The following TMPRSS15 variants were observed in gnomAD, a reference collection of about 807,000 sequenced individuals.
The protein encoded by TMPRSS15 is transmembrane serine protease 15, also known as enteropeptidase.
TMPRSS15 carries 128 observed loss-of-function variants against 125.3 expected under a neutral mutation model. The ratio of observed to expected loss-of-function variants is 1.02; its 90% CI spans 0.89 to 1.18. The LOEUF is 1.18. TMPRSS15 is among the 50% of genes most tolerant of loss of function. The pLI, the probability that TMPRSS15 is intolerant of heterozygous loss-of-function variation, is 0.00. For synonymous variants in TMPRSS15, 446 were observed against 423.2 expected (o/e 1.05, Z -0.66); for missense variants, 1,283 against 1,212.7 (o/e 1.06, Z -0.86).
intron 1 of TMPRSS15, among the ~76,000 whole-genome samples, chr21:18,409,568 C>T (rs893728317): frequency 6.6e-6 from 1 of 151,980 alleles, no homozygotes; most frequent in Non-Finnish European, 1.5e-5. Flanking sequence ...CAATGTTCAA[C>T]TGTGTATTTC....
chr21:18,281,261 C>A (rs776868879), intron 21 of TMPRSS15, 40 bp from the exon 22 acceptor site: 5 of 1,541,936 alleles, frequency 3.2e-6, no homozygotes, highest in Non-Finnish European at 4.5e-6. Flanking sequence ...ACTCTCCATC[C>A]AAAGCAGTTC....
At chr21:18,313,161 C>A (rs2075119685) in intron 17 of TMPRSS15, 84 bp from the exon 18 acceptor site, 4 of 915,992 alleles carry the variant, frequency 4.4e-6, no homozygotes. Flanking sequence ...GAGTACAGAG[C>A]TTCATTTAGA....
rs201871970 is a variant in TMPRSS15 at position 18,326,427 on chromosome 21, C to T, written c.1921+5G>A. ...TGATGCAATGTGTGATTTATGGGCT[C>T]CTACCTGGAATCCCCAAGTGATAGC... On this transcript the variant is annotated splice_donor_5th_base_variant and intron_variant, in intron 16 of 24. Coordinates refer to ENST00000284885, the MANE Select transcript of TMPRSS15 (RefSeq NM_002772.3). 15 of 1,614,082 alleles carry T rather than the reference C, an allele frequency of 9.3e-6. No individual in the cohort carries two copies. The Admixed American group carries it at 1.7e-4, about 18-fold the overall frequency.
chr21:18,465,914 T>C (rs1182307478), intron 1 of TMPRSS15, among the ~76,000 whole-genome samples: 1 of 152,156 alleles, frequency 6.6e-6, no homozygotes, highest in Non-Finnish European at 1.5e-5. Flanking sequence ...AAAACTATTT[T>C]AAATTTCATA....
chr21:18,342,592 C>T (rs1291000823), intron 12 of TMPRSS15, among the ~76,000 whole-genome samples: 2 of 152,218 alleles, frequency 1.3e-5, no homozygotes, highest in African/African-American at 2.4e-5. Context: ...CACTGCAATA[C>T]TGACTTCCCC....
Position 18,278,948 on chromosome 21 carries a change from G to C in TMPRSS15, c.2764+16C>G, listed in dbSNP as rs762223570. On this transcript the variant is annotated intron_variant, in intron 23 of 24. Coordinates refer to ENST00000284885, the MANE Select transcript of TMPRSS15 (RefSeq NM_002772.3). ...GGTTTTTTTTTTTTTTTTTTTTTTT[G>C]AGTCTGATAATTTACCTTGATATAC... 8.6e-6 allele frequency: 1 copy of C among 116,004 alleles called. No homozygotes were observed. The allele number at this position is 116,004 out of a possible 1,614,324, so 7.2% of individuals were successfully genotyped here.
intron 23 of TMPRSS15, among the ~76,000 whole-genome samples, chr21:18,278,457 C>A (rs1378920069): frequency 6.6e-6 from 1 of 152,002 alleles, no homozygotes; most frequent in Non-Finnish European, 1.5e-5. Flanking sequence ...CGGTGGCTCA[C>A]GACTATAATC....
At position 18,269,530 on chromosome 21, in the gene TMPRSS15, A is replaced by G. The variant is rs2074528407; in HGVS notation, c.*439T>C. ...GTTTCTGCTAATAGCAGCAAACTAA[A>G]CTGGAACTAGAAAATTTATGGCAGT... On this transcript the variant is annotated 3_prime_UTR_variant, in exon 25 of 25. Coordinates refer to ENST00000284885, the MANE Select transcript of TMPRSS15 (RefSeq NM_002772.3). 6.2e-6 allele frequency: 1 copy of G among 162,184 alleles called. No homozygotes were observed. The highest frequency in any genetic ancestry group is 1.6e-4 in the South Asian group (1 of 6,284). The allele number at this position is 162,184 out of a possible 1,614,324, so 10.0% of individuals were successfully genotyped here.
intron 1 of TMPRSS15, among the ~76,000 whole-genome samples, chr21:18,470,491 C>T (rs1416700814): frequency 6.6e-6 from 1 of 152,036 alleles, no homozygotes; most frequent in Non-Finnish European, 1.5e-5. Context: ...TAAGCAAATG[C>T]TGAGTTATTT....
intron 1 of TMPRSS15, among the ~76,000 whole-genome samples, chr21:18,420,448 T>A (rs1007170249): frequency 7.0e-6 from 1 of 143,358 alleles, no homozygotes; most frequent in African/African-American, 2.6e-5. Flanking sequence ...TATTTGGAAG[T>A]ATAATAAAAA....
Position 18,294,355 on chromosome 21 carries a change from C to A in TMPRSS15, c.2401G>T (p.Gly801Cys). Reference protein sequence around the residue: ...AKEGAWPWVVGLYYGGRLLCG... With the variant: ...AKEGAWPWVVCLYYGGRLLCG... ...AGCAGTCGGCCGCCATAATACAGACCCACAACCCAGGGCCAGGCCCCTTCT... is the reference window on the plus strand; with the variant it reads ...AGCAGTCGGCCGCCATAATACAGACACACAACCCAGGGCCAGGCCCCTTCT... Residue 801 changes from glycine (G) to cysteine (C), a missense_variant, in exon 21 of 25, where the codon GGT becomes TGT. Coordinates refer to ENST00000284885, the MANE Select transcript of TMPRSS15 (RefSeq NM_002772.3). 1 of 1,614,250 alleles carries A rather than the reference C, an allele frequency of 6.2e-7. No individual in the cohort carries two copies. The highest frequency in any genetic ancestry group is 2.2e-5 in the East Asian group (1 of 44,878).
intron 1 of TMPRSS15, among the ~76,000 whole-genome samples, chr21:18,425,698 G>A (rs2076201284): frequency 6.6e-6 from 1 of 152,032 alleles, no homozygotes; most frequent in African/African-American, 2.4e-5. Context: ...AGCTTCAAAT[G>A]TTGTGAATAA....
intron 23 of TMPRSS15, among the ~76,000 whole-genome samples, chr21:18,276,985 C>T (rs1476880069): frequency 1.3e-5 from 2 of 151,810 alleles, no homozygotes; most frequent in African/African-American, 2.4e-5. Flanking sequence ...AGGCTGGTCT[C>T]AAACTCCTGA....
chr21:18,397,854 T>C, intron 3 of TMPRSS15, 25 bp downstream of exon 3: 1 of 1,346,512 alleles, frequency 7.4e-7, no homozygotes, highest in Non-Finnish European at 1.0e-6. Flanking sequence ...TTTCCATCAG[T>C]AGAAAATTTT....
intron 7 of TMPRSS15, among the ~76,000 whole-genome samples, chr21:18,361,447 A>G (rs1462185687): frequency 6.6e-6 from 1 of 152,104 alleles, no homozygotes; most frequent in African/African-American, 2.4e-5. Context: ...TAAGAGATTT[A>G]GTTTCCAAGG....
At chr21:18,280,749 A>G (rs1204090835) in intron 22 of TMPRSS15, among the ~76,000 whole-genome samples, 1 of 152,136 alleles carries the variant, frequency 6.6e-6, no homozygotes, top group Non-Finnish European at 1.5e-5. Context: ...TAGAGAGGGC[A>G]TGCATAATAA....
At chr21:18,306,481 T>A (rs1173317921) in intron 18 of TMPRSS15, among the ~76,000 whole-genome samples, 1 of 152,200 alleles carries the variant, frequency 6.6e-6, no homozygotes, top group East Asian at 1.9e-4. Flanking sequence ...CTGTTTCTTA[T>A]TAGCATTTGA....
Position 18,470,444 on chromosome 21 carries a change from C to T in TMPRSS15, c.10+15355G>A, listed in dbSNP as rs115150992. ...ACTGTATACCTAGGTCTAGATGACA[C>T]GAAGAACTCTTACCCCAACCGAAAA... On this transcript the variant is annotated intron_variant, in intron 1 of 7. Coordinates refer to the TMPRSS15 transcript ENST00000422787. Among the ~76,000 whole-genome samples, 1,333 of 152,024 alleles carry T rather than the reference C, an allele frequency of 8.8e-3. 19 individuals are homozygous for T. The highest frequency in any genetic ancestry group is 0.029 in the African/African-American group (1,189 of 41,504).
intron 1 of TMPRSS15, among the ~76,000 whole-genome samples, chr21:18,484,518 T>A (rs2824849): frequency 0.64 from 96,487 of 151,442 alleles, 32,743 homozygotes; most frequent in East Asian, 0.93. Flanking sequence ...TTTCCTTCTC[T>A]CTAAAAAAAA....
Sources: gnomAD v4.1 joint callset for allele counts (sites outside exome capture counted in the v4.1 genomes callset) on GRCh38, gnomAD v4.1.1 for gene constraint, MANE v1.5 for transcripts, NCBI Gene and HGNC (gene_info 2026-07-23, HGNC 2026-07-21) for gene names.